The following CASKIN1 variants were observed in gnomAD, a reference collection of about 807,000 sequenced individuals.
The protein encoded by CASKIN1 is caskin-1.
CASKIN1 carries 42 observed loss-of-function variants against 117.5 expected under a neutral mutation model. The observed-to-expected ratio is 0.36, with a 90% CI of 0.28 to 0.46. CASKIN1 has a LOEUF of 0.46. Ranked by LOEUF, CASKIN1 falls within the 20% of genes least tolerant of loss-of-function variation. The pLI is 1.00. For synonymous variants in CASKIN1, 1,148 were observed against 961.7 expected (o/e 1.19, Z -3.59); for missense variants, 2,083 against 2,077.3 (o/e 1.00, Z -0.05).
intron 1 of CASKIN1, among the ~76,000 whole-genome samples, chr16:2,195,459 T>C (rs1243963687): frequency 2.0e-5 from 3 of 152,222 alleles, no homozygotes; most frequent in African/African-American, 7.2e-5. Flanking sequence ...CTGACACGGC[T>C]ATACGTGCGC....
Position 2,189,348 on chromosome 16 carries a change from C to A in CASKIN1, c.391-15G>T, listed in dbSNP as rs754785901. 9.3e-6 allele frequency: 15 copies of A among 1,612,604 alleles called. No homozygotes were observed. The Admixed American group carries it at 2.2e-4, about 23-fold the overall frequency. ...AGCATCTCAGACTGGGGGCCAAGGG[C>A]GCAGTCAGGTCCGCACATCCTCAGG... On this transcript the variant is annotated splice_polypyrimidine_tract_variant and intron_variant, in intron 4 of 19. Transcript: ENST00000343516.
At chr16:2,185,678 C>T (rs985595010) in intron 10 of CASKIN1, among the ~76,000 whole-genome samples, 2 of 152,234 alleles carry the variant, frequency 1.3e-5, no homozygotes, top group Admixed American at 1.3e-4. Context: ...ATGAAAGTCT[C>T]TGTACTGGGG....
intron 3 of CASKIN1, among the ~76,000 whole-genome samples, 190 bp downstream of exon 3, chr16:2,189,883 G>T (rs2141325358): frequency 6.6e-6 from 1 of 152,082 alleles, no homozygotes; most frequent in East Asian, 1.9e-4. Flanking sequence ...GTGGGTTTGG[G>T]GGGTGCTAGG....
In CASKIN1 at chr16:2,180,086, G is replaced by A. The variant is rs1165160237; in HGVS notation, c.3282C>T (p.Gly1094=). The part of the protein sequence containing the change: ...SADPGPFVED[G]TGRQRPRGPS... ...GACCCCGAGGCCGCTGCCGGCCAGT[G>A]CCATCCTCCACAAAGGGGCCTGGGT... The change falls in exon 18 of 20, where the codon GGC becomes GGT. Residue 1094 remains glycine (G), a synonymous_variant. Transcript: ENST00000343516. 5 of 1,565,286 alleles carry A rather than the reference G, an allele frequency of 3.2e-6. No homozygotes were observed. The East Asian group carries it at 7.2e-5, about 23-fold the overall frequency.
chr16:2,178,194 C>T lies in CASKIN1; in HGVS notation c.*356G>A, dbSNP rs1428832339. 9.0e-6 allele frequency: 4 copies of T among 443,922 alleles called. No homozygotes were observed. The highest frequency in any genetic ancestry group is 5.3e-5 in the East Asian group (1 of 18,984). The allele number at this position is 443,922 out of a possible 1,614,324, so 27.5% of individuals were successfully genotyped here. A position where few individuals can be genotyped will look rare whatever the true frequency, so the allele number is the denominator to read the frequency against. ...GGTCCCCTGTCCCTTGTGCTGCGCC[C>T]GAGCGGCTGGCCGGGCGTCCCGATG... On this transcript the variant is annotated 3_prime_UTR_variant, in exon 20 of 20. Coordinates refer to ENST00000343516, the MANE Select transcript of CASKIN1 (RefSeq NM_020764.4).
At chr16:2,184,740 C>A (rs752530341) in intron 14 of CASKIN1, 37 bp downstream of exon 14, 2 of 1,456,038 alleles carry the variant, frequency 1.4e-6, no homozygotes, top group South Asian at 1.5e-5. Context: ...CAGCCTCTCC[C>A]CGGAGCCCAC....
In CASKIN1 at chr16:2,181,889, T is replaced by C; in HGVS notation, c.1670A>G (p.Gln557Arg). The C allele has an allele frequency of 6.2e-7, 1 of 1,613,738 alleles. No individual in the cohort carries two copies. The highest frequency in any genetic ancestry group is 8.5e-7 in the Non-Finnish European group (1 of 1,179,958). ...ATTGTCCACCAACACCTTGTAGTACTGGGCCAGGCCGATCATGGACAGCCA... is the reference window on the plus strand; with the variant it reads ...ATTGTCCACCAACACCTTGTAGTACCGGGCCAGGCCGATCATGGACAGCCA... The part of the protein sequence containing the change: ...AVWLSMIGLA[Q>R]YYKVLVDNGY... Residue 557 changes from glutamine (Q) to arginine (R), a missense_variant, in exon 17 of 20, where the codon CAG (glutamine) becomes CGG (arginine). Around this residue, in one of 3 missense-constraint regions of CASKIN1, gnomAD observed 1,818 missense variants for 1,688.9 expected, o/e 1.08. Transcript: ENST00000343516.
Position 2,180,877 on chromosome 16 carries a change from C to T in CASKIN1, c.2491G>A (p.Gly831Ser), listed in dbSNP as rs190145241. The change falls in exon 18 of 20, where the codon GGC (glycine) becomes AGC (serine). Residue 831 changes from glycine to serine, a missense_variant. Physicochemically the swap from Gly to Ser is moderately conservative, Grantham distance 56. This residue lies in a region of CASKIN1 where 1,818 missense variants were observed against 1,688.9 expected (regional missense o/e 1.08). Coordinates refer to ENST00000343516, the MANE Select transcript of CASKIN1 (RefSeq NM_020764.4). ...GGCTGGGGCAGCACGTAGGCAAAGC[C>T]GCGGTGCGTCGGTGACTGAGGCAGG... is the stretch of plus-strand genomic sequence containing the variant. ...RSLPQSPTHR[G>S]FAYVLPQPVE... is the part of the protein sequence containing the mutation. The T allele has an allele frequency of 2.8e-4, 404 of 1,423,866 alleles. 2 individuals are homozygous for T. The highest frequency in any genetic ancestry group is 2.6e-3 in the Middle Eastern group (12 of 4,684). The allele number at this position is 1,423,866 out of a possible 1,614,324, so 88.2% of individuals were successfully genotyped here. A position where few individuals can be genotyped will look rare whatever the true frequency, so the allele number is the denominator to read the frequency against.
Position 2,187,009 on chromosome 16 carries a change from C to G in CASKIN1, c.899G>C (p.Ser300Thr). ...GATGTCCCCTGCCTTCACGTTGAGG[C>G]TGGTCAGGTCGTAATTGTTGCAATA... ...KDYCNNYDLT[S>T]LNVKAGDIIT... The change falls in exon 9 of 20, where the codon AGC becomes ACC. Residue 300 changes from serine to threonine, a missense_variant. Physicochemically the swap from Ser to Thr is moderately conservative, Grantham distance 58. Around this residue, in one of 3 missense-constraint regions of CASKIN1, gnomAD observed 1,818 missense variants for 1,688.9 expected, o/e 1.08. Transcript: ENST00000343516. 1 of 1,613,846 alleles carries G rather than the reference C, an allele frequency of 6.2e-7. No individual in the cohort carries two copies. Among genetic ancestry groups the G allele is most frequent in the East Asian group, 2.2e-5 (1 of 44,846 alleles).
chr16:2,189,289 G>A lies in CASKIN1; in HGVS notation c.435C>T (p.Asp145=), dbSNP rs1342564235. 1.9e-6 allele frequency: 3 copies of A among 1,613,314 alleles called. No individual in the cohort carries two copies. Among genetic ancestry groups the A allele is most frequent in the South Asian group, 1.1e-5 (1 of 91,088 alleles). Residue 145 remains aspartate, a synonymous_variant, in exon 5 of 20, where the codon GAC becomes GAT. Transcript: ENST00000343516. ...GGTCCAGGGGCGTCTTCCCCGAGTT[G>A]TCCACCATGCACGGGTTAGACTGGT... ...LQHQSNPCMV[D]NSGKTPLDLA...
chr16:2,180,102 G>A lies in CASKIN1; in HGVS notation c.3266C>T (p.Pro1089Leu), dbSNP rs1484601465. ...CCGGCCAGTGCCATCCTCCACAAAG[G>A]GGCCTGGGTCTGCCGACTCCCCAGG... The part of the protein sequence containing the change: ...RGPGESADPG[P>L]FVEDGTGRQR... The change falls in exon 18 of 20, where the codon CCC becomes CTC. Residue 1089 changes from proline (P) to leucine (L), a missense_variant. Transcript: ENST00000343516. 4 of 1,559,012 alleles carry A rather than the reference G, an allele frequency of 2.6e-6. No homozygotes were observed. Among genetic ancestry groups the A allele is most frequent in the Non-Finnish European group, 3.5e-6 (4 of 1,152,982 alleles).
rs1295630862 is a variant in CASKIN1 at position 2,188,410 on chromosome 16, G to A, written c.617+617C>T. 3.3e-5 allele frequency among the ~76,000 whole-genome samples: 5 copies of A among 151,992 alleles called. No individual in the cohort carries two copies. In the East Asian group the frequency reaches 7.7e-4, roughly 24 times the overall value. ...GTGTCACCCAGGCTGGAGTACAGTG[G>A]CACAATCATCGCTCACTGCAACCTC... On this transcript the variant is annotated intron_variant, in intron 6 of 19. Transcript: ENST00000343516.
chr16:2,192,981 C>T (rs901743887), intron 1 of CASKIN1, among the ~76,000 whole-genome samples: 1 of 152,226 alleles, frequency 6.6e-6, no homozygotes, highest in African/African-American at 2.4e-5. Flanking sequence ...GGACCCCATG[C>T]CTGCGGATGC....
chr16:2,184,684 C>A, intron 14 of CASKIN1, 93 bp downstream of exon 14: 1 of 1,170,178 alleles, frequency 8.5e-7, no homozygotes, highest in Non-Finnish European at 1.1e-6. Flanking sequence ...CCCGCCGCTG[C>A]CAGGCCAGGC....
chr16:2,190,209 C>T (rs528686030), intron 2 of CASKIN1, 39 bp from the exon 3 acceptor site: 67 of 1,607,438 alleles, frequency 4.2e-5, no homozygotes, highest in African/African-American at 1.2e-4. Context: ...GAGGCCCTGG[C>T]GCCCCGGCCT....
rs748406432 is a variant in CASKIN1, at chr16:2,186,838, T to TG, written c.931-15dup. 2.4e-5 allele frequency: 39 copies of TG among 1,611,928 alleles called. 1 individual carries two copies. The South Asian group carries it at 4.0e-4, about 16-fold the overall frequency. ...CTGCTCGAGGACCTGGCCAGTAAGG[T>TG]GGGGGGCGCTCAGGGAGATGCCCCC... On this transcript the variant is annotated splice_polypyrimidine_tract_variant and intron_variant, in intron 9 of 19. Transcript: ENST00000343516.
rs2093159126 is a variant in CASKIN1 at position 2,179,538 on chromosome 16, G to A, written c.3775+55C>T. 2 of 1,405,142 alleles carry A rather than the reference G, an allele frequency of 1.4e-6. No homozygotes were observed. The highest frequency in any genetic ancestry group is 9.3e-7 in the Non-Finnish European group (1 of 1,079,072). The allele number at this position is 1,405,142 out of a possible 1,614,324, so 87.0% of individuals were successfully genotyped here. A position where few individuals can be genotyped will look rare whatever the true frequency, so the allele number is the denominator to read the frequency against. ...AAAGGAAAACCCCTCAGACCACCGA[G>A]TAAGGAGGTGGAGCAGGGTCCTGTT... On this transcript the variant is annotated intron_variant, in intron 18 of 19. Transcript: ENST00000343516. This position sits in a 1 kb window ranked among gnomAD's most constrained non-coding sequence, Gnocchi z 5.8.
intron 1 of CASKIN1, among the ~76,000 whole-genome samples, chr16:2,193,130 G>A (rs1347980466): frequency 6.6e-6 from 1 of 152,140 alleles, no homozygotes; most frequent in African/African-American, 2.4e-5. Context: ...CAATTCTTCT[G>A]CTTCAGCCTC....
intron 16 of CASKIN1, among the ~76,000 whole-genome samples, chr16:2,183,044 C>T (rs771727362): frequency 8.5e-5 from 13 of 152,238 alleles, no homozygotes; most frequent in Non-Finnish European, 1.3e-4. Flanking sequence ...ACCTCGGCCT[C>T]CCAAAGTGCT....
Sources: allele counts gnomAD v4.1 joint callset (sites outside exome capture counted in the v4.1 genomes callset), GRCh38; gene constraint gnomAD v4.1.1; regional missense constraint gnomAD v4.1.1; non-coding constraint Gnocchi (gnomAD v3.1); transcripts MANE v1.5; gene names NCBI Gene and HGNC (gene_info 2026-07-23, HGNC 2026-07-21).